ARVCF: variants seen among roughly 807,000 people sequenced by gnomAD.
ARVCF encodes the protein ARVCF delta catenin family member.
In ARVCF, 66 loss-of-function variants were observed where a neutral mutation model predicts 90.9. The ratio of observed to expected loss-of-function variants is 0.73; its 90% CI spans 0.60 to 0.89. The LOEUF (loss-of-function observed/expected upper bound fraction) is 0.89, where lower values mean the gene tolerates loss of function less well. Ranked by LOEUF, ARVCF falls within the 40% of genes least tolerant of loss-of-function variation. The pLI, the probability that ARVCF is intolerant of heterozygous loss-of-function variation, is 0.00. For synonymous variants in ARVCF, 653 were observed against 603.4 expected, an observed-to-expected ratio of 1.08 and a Z score of -1.21; for missense variants, 1,469 against 1,382.3, an observed-to-expected ratio of 1.06 and a Z score of -1.00.
Position 19,970,355 on chromosome 22 carries a change from C to T in ARVCF, c.*401G>A. ...AGCCCCCTCCCTGCCTAGCTGCCTGCCCCTGGCGCCAGACCTGGCCCGCAC... is the reference window on the plus strand; with the variant it reads ...AGCCCCCTCCCTGCCTAGCTGCCTGTCCCTGGCGCCAGACCTGGCCCGCAC... On this transcript the variant is annotated 3_prime_UTR_variant, in exon 20 of 20. Coordinates refer to ENST00000263207, the MANE Select transcript of ARVCF (RefSeq NM_001670.3). 1.0e-6 allele frequency: 1 copy of T among 1,001,008 alleles called. No homozygotes were observed. The highest frequency in any genetic ancestry group is 1.2e-6 in the Non-Finnish European group (1 of 838,932). 62.0% of individuals were successfully genotyped at this position (1,001,008 alleles called of 1,614,324 possible).
intron 2 of ARVCF, among the ~76,000 whole-genome samples, chr22:20,008,929 G>T (rs1353215241): frequency 2.0e-5 from 3 of 152,170 alleles, no homozygotes; most frequent in Non-Finnish European, 4.4e-5. Flanking sequence ...AACTGGAGGG[G>T]GGAGGGAAAA....
At chr22:19,989,363 G>A (rs929772259) in intron 3 of ARVCF, among the ~76,000 whole-genome samples, 2 of 152,136 alleles carry the variant, frequency 1.3e-5, no homozygotes, top group South Asian at 2.1e-4. Flanking sequence ...ATGAGCAGAC[G>A]TAGGAAGCAT....
chr22:19,990,842 G>A (rs1944000539), intron 2 of ARVCF, 30 bp from the exon 3 acceptor site: 4 of 1,533,010 alleles, frequency 2.6e-6, no homozygotes, highest in Non-Finnish European at 3.5e-6. Context: ...AGCTCAGTGG[G>A]GTGGGGCACA....
chr22:19,978,157 A>T, intron 7 of ARVCF, 82 bp from the exon 8 acceptor site: 3 of 1,282,658 alleles, frequency 2.3e-6, no homozygotes, highest in Non-Finnish European at 3.2e-6. Flanking sequence ...GCTTGTCTTC[A>T]TCTGCAAAAT....
At chr22:20,014,330 G>A in intron 1 of ARVCF, among the ~76,000 whole-genome samples, 1 of 151,012 alleles carries the variant, frequency 6.6e-6, no homozygotes, top group East Asian at 1.9e-4. Flanking sequence ...GAGTAGCTGG[G>A]ACTACAGGCG....
At chr22:19,987,751 G>A (rs912147126) in intron 3 of ARVCF, among the ~76,000 whole-genome samples, 7 of 152,162 alleles carry the variant, frequency 4.6e-5, no homozygotes, top group African/African-American at 1.7e-4. Context: ...GGCCTGCGAA[G>A]AACTGTCCCC....
Position 19,981,270 on chromosome 22 carries a change from C to A in ARVCF, c.837G>T (p.Glu279Asp). 1 of 1,571,140 alleles carries A rather than the reference C, an allele frequency of 6.4e-7. No individual in the cohort carries two copies. The highest frequency in any genetic ancestry group is 1.2e-5 in the South Asian group (1 of 85,570). Residue 279 changes from glutamate (E) to aspartate (D), a missense_variant, in exon 5 of 20, where the codon GAG becomes GAT. Physicochemically the swap from Glu to Asp is conservative, Grantham distance 45 (BLOSUM62 2). Transcript: ENST00000263207. ...AADDEGGPEL[E>D]PDYGTATRRR... Reference sequence around the variant, plus strand: ...TCCTTGTGGCCGTGCCATAGTCAGGCTCCAGCTCAGGGCCACCCTCGTCAT... The same window carrying A: ...TCCTTGTGGCCGTGCCATAGTCAGGATCCAGCTCAGGGCCACCCTCGTCAT...
chr22:19,976,747 G>A (rs1228045422), intron 9 of ARVCF, 24 bp from the exon 10 acceptor site: 2 of 1,557,954 alleles, frequency 1.3e-6, no homozygotes, highest in Non-Finnish European at 8.7e-7. Flanking sequence ...GGAAGCAGAG[G>A]AGAGAGGAGA....
downstream of ARVCF, chr22:19,968,476 G>T: frequency 6.5e-7 from 1 of 1,536,274 alleles, no homozygotes; most frequent in South Asian, 1.2e-5. Context: ...ATCCTGGTTT[G>T]GGGCAGGTTC....
intron 2 of ARVCF, among the ~76,000 whole-genome samples, chr22:20,009,628 G>C (rs1944753683): frequency 6.6e-6 from 1 of 152,236 alleles, no homozygotes; most frequent in East Asian, 1.9e-4. Context: ...CCACTCTGCT[G>C]AACAGCACCC....
At chr22:19,967,982 G>A (rs1188407276), downstream of ARVCF, among the ~76,000 whole-genome samples, 1 of 152,228 alleles carries the variant, frequency 6.6e-6, no homozygotes, top group Non-Finnish European at 1.5e-5. Flanking sequence ...TGTCCTCCCA[G>A]GGCCCAGGCA....
chr22:19,979,146 C>A, intron 6 of ARVCF, 66 bp from the exon 7 acceptor site: 2 of 1,534,962 alleles, frequency 1.3e-6, no homozygotes, highest in South Asian at 1.2e-5. Flanking sequence ...CCCAGGTGGC[C>A]ACGCTCAGGA....
rs950708604 is a variant in ARVCF at position 20,016,783 on chromosome 22, G to C, written c.-267C>G. 18 of 151,074 alleles carry C rather than the reference G, an allele frequency of 1.2e-4. No homozygotes were observed. The highest frequency in any genetic ancestry group is 3.9e-4 in the African/African-American group (16 of 41,196). The allele number at this position is 151,074 out of a possible 1,614,324, so 9.4% of individuals were successfully genotyped here. On this transcript the variant is annotated 5_prime_UTR_variant, in exon 1 of 20. Coordinates refer to ENST00000263207, the MANE Select transcript of ARVCF (RefSeq NM_001670.3). Reference sequence around the variant, plus strand: ...CCTCCAGGCCCAGCGCGCAACCCGAGACCCCGGGCCAGCCCTCCCGCCCTC... The same window carrying C: ...CCTCCAGGCCCAGCGCGCAACCCGACACCCCGGGCCAGCCCTCCCGCCCTC...
At position 19,977,404 on chromosome 22, in the gene ARVCF, G is replaced by GC; in HGVS notation, c.1870+10dup. ...GATGGTAGAGATGATACCCCAGTCC[G>GC]CCCCACCCACCTTTGGCCTTCTTGC... is the stretch of plus-strand genomic sequence containing the variant. On this transcript the variant is annotated intron_variant, in intron 9 of 19. Coordinates refer to ENST00000263207, the MANE Select transcript of ARVCF (RefSeq NM_001670.3). The GC allele has an allele frequency of 2.0e-6, 3 of 1,504,670 alleles. No individual in the cohort carries two copies. The highest frequency in any genetic ancestry group is 2.7e-6 in the Non-Finnish European group (3 of 1,125,098). 93.2% of individuals were successfully genotyped at this position (1,504,670 alleles called of 1,614,324 possible). A position where few individuals can be genotyped will look rare whatever the true frequency, so the allele number is the denominator to read the frequency against.
At chr22:19,974,042 G>T (rs1385830982) in intron 12 of ARVCF, 70 bp downstream of exon 12, 8 of 1,549,782 alleles carry the variant, frequency 5.2e-6, no homozygotes, top group Non-Finnish European at 7.0e-6. Context: ...CGAGGCAGGA[G>T]CTGCACCAGT....
At position 19,990,580 on chromosome 22, in the gene ARVCF, G is replaced by C; in HGVS notation, c.210+5C>G. 2 of 1,604,180 alleles carry C rather than the reference G, an allele frequency of 1.2e-6. No homozygotes were observed. The highest frequency in any genetic ancestry group is 1.7e-6 in the Non-Finnish European group (2 of 1,174,218). ...TTCACCCTTCCCAAGTCACTAGGCT[G>C]TTACCTGGAGGACCAGCTGTTGCCA... On this transcript the variant is annotated splice_donor_5th_base_variant and intron_variant, in intron 3 of 19. Transcript: ENST00000263207.
chr22:20,016,731 T>A lies in ARVCF; in HGVS notation c.-215A>T, dbSNP rs1945206004. 1 of 150,864 alleles carries A rather than the reference T, an allele frequency of 6.6e-6. No homozygotes were observed. Among genetic ancestry groups the A allele is most frequent in the South Asian group, 2.1e-4 (1 of 4,822 alleles). The allele number at this position is 150,864 out of a possible 1,614,324, so 9.3% of individuals were successfully genotyped here. On this transcript the variant is annotated 5_prime_UTR_variant, in exon 1 of 20. Transcript: ENST00000263207. ...GGGTCGCAGTCCACGCGGCCGCAACTCGGACCGGTGCGGGGGCCGCCCCCT... is the reference window on the plus strand; with the variant it reads ...GGGTCGCAGTCCACGCGGCCGCAACACGGACCGGTGCGGGGGCCGCCCCCT...
intron 7 of ARVCF, 150 bp from the exon 8 acceptor site, chr22:19,978,225 A>G (rs1943273648): frequency 1.1e-5 from 7 of 656,538 alleles, no homozygotes; most frequent in Non-Finnish European, 1.7e-5. Context: ...TCTGGAGCTC[A>G]GTGAAGGGGG....
rs919196923 is a variant in ARVCF, at chr22:19,971,260, C to T, written c.2857G>A (p.Ala953Thr). The change falls in exon 19 of 20, where the codon GCT becomes ACT. Residue 953 changes from alanine (A) to threonine (T), a missense_variant. Physicochemically the swap from Ala to Thr is moderately conservative, Grantham distance 58 (BLOSUM62 0). Coordinates refer to ENST00000263207, the MANE Select transcript of ARVCF (RefSeq NM_001670.3). ...AVRLVDAVGDAKPQPVDSWV is the reference protein window; with the variant it reads ...AVRLVDAVGDTKPQPVDSWV ...CAGGAATCAACGGGCTGAGGCTTAG[C>T]GTCCCCTACGGCGTCCACCAGCCTG... The T allele has an allele frequency of 1.3e-6, 2 of 1,555,910 alleles. No homozygotes were observed. The highest frequency in any genetic ancestry group is 1.2e-5 in the South Asian group (1 of 84,494).
Sources: gnomAD v4.1 joint callset for allele counts (sites outside exome capture counted in the v4.1 genomes callset) on GRCh38, gnomAD v4.1.1 for gene constraint, MANE v1.5 for transcripts, NCBI Gene and HGNC (gene_info 2026-07-23, HGNC 2026-07-21) for gene names.